Variants in EPN1 observed in about 807,000 individuals in gnomAD.
EPN1 encodes the protein epsin-1.
Under a neutral mutation model 56.9 loss-of-function variants are expected in EPN1, and 25 were observed. The ratio of observed to expected loss-of-function variants is 0.44; its 90% CI spans 0.32 to 0.61. The LOEUF is 0.61. EPN1 is among the 20% of genes least tolerant of loss of function. The pLI, the probability that EPN1 is intolerant of heterozygous loss-of-function variation, is 0.05. For synonymous variants in EPN1, 411 were observed against 361.8 expected, an observed-to-expected ratio of 1.14 and a Z score of -1.54; for missense variants, 785 against 823.7, an observed-to-expected ratio of 0.95 and a Z score of 0.58.
chr19:55,708,152 A>C lies in EPN1; in HGVS notation c.*12796A>C, dbSNP rs952184029. The C allele has an allele frequency of 1.3e-5, 2 of 152,226 alleles. No homozygotes were observed. The highest frequency in any genetic ancestry group is 6.5e-5 in the Admixed American group (1 of 15,272). 9.4% of individuals were successfully genotyped at this position (152,226 alleles called of 1,614,324 possible). A position where few individuals can be genotyped will look rare whatever the true frequency, so the allele number is the denominator to read the frequency against. On this transcript the variant is annotated 3_prime_UTR_variant, in exon 11 of 11. Transcript: ENST00000270460. ...TGCCAAGAGATCCAAGAGTAGGTCCACAATTTCTCATTCTCAGGAGAATCT... is the reference window on the plus strand; with the variant it reads ...TGCCAAGAGATCCAAGAGTAGGTCCCCAATTTCTCATTCTCAGGAGAATCT...
At position 55,695,645 on chromosome 19, in the gene EPN1, A is replaced by C; in HGVS notation, c.*289A>C. 7 of 430,768 alleles carry C rather than the reference A, an allele frequency of 1.6e-5. No homozygotes were observed. Among genetic ancestry groups the C allele is most frequent in the Middle Eastern group, 5.9e-4 (1 of 1,694 alleles). 26.7% of individuals were successfully genotyped at this position (430,768 alleles called of 1,614,324 possible). ...CCATTCCCCCTCCCTCCAAACTCCC[A>C]ACCCCCAGTCAGTGTTTGAGCCTCC... On this transcript the variant is annotated 3_prime_UTR_variant, in exon 11 of 11. Transcript: ENST00000270460. The surrounding 1 kb of genome is among the most constrained non-coding windows in gnomAD (Gnocchi z 4.4).
rs1405258271 is a variant in EPN1 at position 55,709,412 on chromosome 19, A to G, written c.*14056A>G. On this transcript the variant is annotated 3_prime_UTR_variant, in exon 11 of 11. Coordinates refer to ENST00000270460, the MANE Select transcript of EPN1 (RefSeq NM_001130072.2). ...AAAAAAACATGAGCTTTTCTCAGAG[A>G]CACTAATATAATGAATTCATGTACC... The G allele has an allele frequency of 6.4e-6, 1 of 156,442 alleles. No homozygotes were observed. Among genetic ancestry groups the G allele is most frequent in the African/African-American group, 2.4e-5 (1 of 41,602 alleles). The allele number at this position is 156,442 out of a possible 1,614,324, so 9.7% of individuals were successfully genotyped here. A position where few individuals can be genotyped will look rare whatever the true frequency, so the allele number is the denominator to read the frequency against.
rs1301564399 is a variant in EPN1, at chr19:55,691,519, C to T, written c.763-235C>T. On this transcript the variant is annotated intron_variant, in intron 6 of 10. Coordinates refer to ENST00000270460, the MANE Select transcript of EPN1 (RefSeq NM_001130072.2). The surrounding 1 kb of genome is among the most constrained non-coding windows in gnomAD (Gnocchi z 5.6). ...GGGCAGGAGTGGGGCTGTGTTGGGGCTCCCTGGTGGTACCCTCGGGTGGGG... is the reference window on the plus strand; with the variant it reads ...GGGCAGGAGTGGGGCTGTGTTGGGGTTCCCTGGTGGTACCCTCGGGTGGGG... Among the ~76,000 whole-genome samples the T allele has an allele frequency of 6.6e-6, 1 of 151,708 alleles. No individual in the cohort carries two copies. Among genetic ancestry groups the T allele is most frequent in the Admixed American group, 6.6e-5 (1 of 15,250 alleles).
In EPN1 at chr19:55,695,689, C is replaced by T. The variant is rs1228065016; in HGVS notation, c.*333C>T. On this transcript the variant is annotated 3_prime_UTR_variant, in exon 11 of 11. Coordinates refer to ENST00000270460, the MANE Select transcript of EPN1 (RefSeq NM_001130072.2). This position sits in a 1 kb window ranked among gnomAD's most constrained non-coding sequence, Gnocchi z 4.4. The stretch of plus-strand genomic sequence containing the variant: ...AGCCTCCTCGTTCCCCTCACGCACC[C>T]GCTCACGCACCCTCGGTGAATCCTT... The T allele has an allele frequency of 6.1e-6, 2 of 326,076 alleles. No homozygotes were observed. Among genetic ancestry groups the T allele is most frequent in the African/African-American group, 4.3e-5 (2 of 46,996 alleles). 20.2% of individuals were successfully genotyped at this position (326,076 alleles called of 1,614,324 possible). A position where few individuals can be genotyped will look rare whatever the true frequency, so the allele number is the denominator to read the frequency against.
At position 55,689,582 on chromosome 19, in the gene EPN1, C is replaced by T. The variant is rs772707080; in HGVS notation, c.678+211C>T. Reference sequence around the variant, plus strand: ...CCAGCACAGCTGTGCCAAGGTTGCTCGGGTGACCAGGGTCCCTTCCTCCCC... The same window carrying T: ...CCAGCACAGCTGTGCCAAGGTTGCTTGGGTGACCAGGGTCCCTTCCTCCCC... On this transcript the variant is annotated intron_variant, in intron 5 of 10. Coordinates refer to ENST00000270460, the MANE Select transcript of EPN1 (RefSeq NM_001130072.2). The surrounding 1 kb of genome is among the most constrained non-coding windows in gnomAD (Gnocchi z 5.7). 1.4e-4 allele frequency among the ~76,000 whole-genome samples: 21 copies of T among 152,168 alleles called. No individual in the cohort carries two copies. The highest frequency in any genetic ancestry group is 3.9e-4 in the African/African-American group (16 of 41,444).
chr19:55,698,258 G>A lies in EPN1; in HGVS notation c.*2902G>A, dbSNP rs1986987677. The A allele has an allele frequency of 6.6e-6, 1 of 152,208 alleles. No homozygotes were observed. The highest frequency in any genetic ancestry group is 6.5e-5 in the Admixed American group (1 of 15,286). The allele number at this position is 152,208 out of a possible 1,614,324, so 9.4% of individuals were successfully genotyped here. On this transcript the variant is annotated 3_prime_UTR_variant, in exon 11 of 11. Coordinates refer to ENST00000270460, the MANE Select transcript of EPN1 (RefSeq NM_001130072.2). ...AAGCAAGAGTCATGGTGGTGCTCCC[G>A]GCTGGCTCTCAGGAGCAGATGTGCT...
Position 55,701,362 on chromosome 19 carries a change from T to C in EPN1, c.*6006T>C, listed in dbSNP as rs1438236391. On this transcript the variant is annotated 3_prime_UTR_variant, in exon 11 of 11. Transcript: ENST00000270460. Reference sequence around the variant, plus strand: ...TACTTAGGAGGCTGAGGCAGGAGAATCGCTTGAACCCAGGAGGCGGAGGTT... The same window carrying C: ...TACTTAGGAGGCTGAGGCAGGAGAACCGCTTGAACCCAGGAGGCGGAGGTT... The C allele has an allele frequency of 6.6e-6, 1 of 150,976 alleles. No individual in the cohort carries two copies. Among genetic ancestry groups the C allele is most frequent in the African/African-American group, 2.4e-5 (1 of 40,912 alleles). 9.4% of individuals were successfully genotyped at this position (150,976 alleles called of 1,614,324 possible).
chr19:55,686,237 A>G (rs1436639956), intron 3 of EPN1, among the ~76,000 whole-genome samples: 3 of 152,328 alleles, frequency 2.0e-5, no homozygotes, highest in East Asian at 3.9e-4. Context: ...CCCACGAAAC[A>G]TTTCCAGTTA....
chr19:55,681,449 G>GTCTCAGTCTTGGCTTGCAGGT (rs1985814548), intron 2 of EPN1, among the ~76,000 whole-genome samples: 1 of 152,178 alleles, frequency 6.6e-6, no homozygotes, highest in Non-Finnish European at 1.5e-5. Context: ...GGAATGCAGG[G>GTCTCAGTCTTGGCTTGCAGGT]TCTCAGTCTT....
rs1337097607 is a variant in EPN1, at chr19:55,695,361, G to C, written c.*5G>C. The C allele has an allele frequency of 9.1e-6, 13 of 1,434,166 alleles. No individual in the cohort carries two copies. The highest frequency in any genetic ancestry group is 1.4e-5 in the African/African-American group (1 of 70,912). The allele number at this position is 1,434,166 out of a possible 1,614,324, so 88.8% of individuals were successfully genotyped here. A position where few individuals can be genotyped will look rare whatever the true frequency, so the allele number is the denominator to read the frequency against. On this transcript the variant is annotated 3_prime_UTR_variant, in exon 11 of 11. Coordinates refer to ENST00000270460, the MANE Select transcript of EPN1 (RefSeq NM_001130072.2). The surrounding 1 kb of genome is among the most constrained non-coding windows in gnomAD (Gnocchi z 4.4). ...ACTAATCCCTTCCTCCTATAATCCA[G>C]GGCGGAAGGGGGCCTGGCTCCATCC...
In EPN1 at chr19:55,704,186, G is replaced by C. The variant is rs943709371; in HGVS notation, c.*8830G>C. On this transcript the variant is annotated 3_prime_UTR_variant, in exon 11 of 11. Coordinates refer to ENST00000270460, the MANE Select transcript of EPN1 (RefSeq NM_001130072.2). ...ACGTGCTCTCCACGCTCTTTCTCCA[G>C]CGCCCCTTGCTCACCCGCCCCCCGT... The C allele has an allele frequency of 6.6e-6, 1 of 152,638 alleles. No individual in the cohort carries two copies. Among genetic ancestry groups the C allele is most frequent in the Non-Finnish European group, 1.5e-5 (1 of 68,398 alleles). 9.5% of individuals were successfully genotyped at this position (152,638 alleles called of 1,614,324 possible).
At position 55,704,334 on chromosome 19, in the gene EPN1, T is replaced by C. The variant is rs1333895909; in HGVS notation, c.*8978T>C. The stretch of plus-strand genomic sequence containing the variant: ...CCTGCACCGACCCCGTACCCCAGAA[T>C]GGGGCTGTATTTGGAGACAGGGCCT... On this transcript the variant is annotated 3_prime_UTR_variant, in exon 11 of 11. Transcript: ENST00000270460. The C allele has an allele frequency of 6.6e-6, 1 of 152,070 alleles. No homozygotes were observed. Among genetic ancestry groups the C allele is most frequent in the Non-Finnish European group, 1.5e-5 (1 of 68,038 alleles). 9.4% of individuals were successfully genotyped at this position (152,070 alleles called of 1,614,324 possible). A position where few individuals can be genotyped will look rare whatever the true frequency, so the allele number is the denominator to read the frequency against.
rs369574387 is a variant in EPN1 at position 55,694,922 on chromosome 19, G to T, written c.1461G>T (p.Leu487=). Residue 487 remains leucine, a synonymous_variant, in exon 10 of 11, where the codon CTG becomes CTT. Transcript: ENST00000270460. The surrounding 1 kb of genome is among the most constrained non-coding windows in gnomAD (Gnocchi z 4.2). ...PNAALVDLDS[L]VSRPGPTPPG... is the part of the protein sequence containing the mutation. ...CAGCCCTCGTCGACCTGGACTCGCTGGTGAGCCGGCCGGGCCCCACGCCGC... is the reference window on the plus strand; with the variant it reads ...CAGCCCTCGTCGACCTGGACTCGCTTGTGAGCCGGCCGGGCCCCACGCCGC... The T allele has an allele frequency of 5.7e-6, 9 of 1,572,706 alleles. No homozygotes were observed. The African/African-American group carries it at 9.5e-5, about 17-fold the overall frequency.
In EPN1 at chr19:55,704,494, T is replaced by C. The variant is rs150540758; in HGVS notation, c.*9138T>C. The C allele has an allele frequency of 1.6e-4, 25 of 152,398 alleles. No individual in the cohort carries two copies. Among genetic ancestry groups the C allele is most frequent in the African/African-American group, 6.0e-4 (25 of 41,576 alleles). The allele number at this position is 152,398 out of a possible 1,614,324, so 9.4% of individuals were successfully genotyped here. The stretch of plus-strand genomic sequence containing the variant: ...CGTCTGGGAGCCAAGGAGAGAGGCC[T>C]TGGCGGAAGCCAACCCTGCAGCACC... On this transcript the variant is annotated 3_prime_UTR_variant, in exon 11 of 11. Coordinates refer to ENST00000270460, the MANE Select transcript of EPN1 (RefSeq NM_001130072.2).
In EPN1 at chr19:55,707,668, A is replaced by G. The variant is rs748978615; in HGVS notation, c.*12312A>G. 1 of 154,686 alleles carries G rather than the reference A, an allele frequency of 6.5e-6. No homozygotes were observed. Among genetic ancestry groups the G allele is most frequent in the African/African-American group, 2.4e-5 (1 of 41,546 alleles). The allele number at this position is 154,686 out of a possible 1,614,324, so 9.6% of individuals were successfully genotyped here. On this transcript the variant is annotated 3_prime_UTR_variant, in exon 11 of 11. Transcript: ENST00000270460. ...CAGACTGGGGTGGGGACTCTGGCCA[A>G]TGCCATTCTGTTCTTCCATAATATC...
At chr19:55,680,108 A>G (rs1985710972) in intron 2 of EPN1, among the ~76,000 whole-genome samples, 1 of 152,082 alleles carries the variant, frequency 6.6e-6, no homozygotes, top group South Asian at 2.1e-4. Flanking sequence ...GCCAGGGTGG[A>G]CGGCAGGACA....
Position 55,709,257 on chromosome 19 carries a change from G to T in EPN1, c.*13901G>T, listed in dbSNP as rs1028429042. On this transcript the variant is annotated 3_prime_UTR_variant, in exon 11 of 11. Transcript: ENST00000270460. ...TAAAGTGAAATTTCATATACAGGATGTATCAATTAAGATTTAATTCAAAAA... is the reference window on the plus strand; with the variant it reads ...TAAAGTGAAATTTCATATACAGGATTTATCAATTAAGATTTAATTCAAAAA... 3.0e-6 allele frequency: 1 copy of T among 337,470 alleles called. No homozygotes were observed. The highest frequency in any genetic ancestry group is 2.1e-5 in the African/African-American group (1 of 46,860). 20.9% of individuals were successfully genotyped at this position (337,470 alleles called of 1,614,324 possible).
Position 55,688,968 on chromosome 19 carries a change from G to T in EPN1, c.577G>T (p.Ala193Ser). The T allele has an allele frequency of 6.3e-7, 1 of 1,599,656 alleles. No individual in the cohort carries two copies. The highest frequency in any genetic ancestry group is 8.5e-7 in the Non-Finnish European group (1 of 1,176,242). ...GGAGCTGCAGCTCCAGCTGGCCCTGGCCATGAGCAAGGAGGAGGCCGACCA... is the reference window on the plus strand; with the variant it reads ...GGAGCTGCAGCTCCAGCTGGCCCTGTCCATGAGCAAGGAGGAGGCCGACCA... Reference protein sequence around the residue: ...EEELQLQLALAMSKEEADQPP... With the variant: ...EEELQLQLALSMSKEEADQPP... The change falls in exon 4 of 11, where the codon GCC becomes TCC. Residue 193 changes from alanine (A) to serine (S), a missense_variant. This residue lies in a region of EPN1 where 650 missense variants were observed against 605.0 expected (regional missense o/e 1.07). Coordinates refer to ENST00000270460, the MANE Select transcript of EPN1 (RefSeq NM_001130072.2).
At chr19:55,692,584 G>GA in intron 7 of EPN1, 102 bp from the exon 8 acceptor site, 1 of 735,006 alleles carries the variant, frequency 1.4e-6, no homozygotes, top group South Asian at 2.1e-5. Context: ...GGGGGCAGGG[G>GA]GGCTTTTGTG....
Sources: allele counts gnomAD v4.1 joint callset (sites outside exome capture counted in the v4.1 genomes callset), GRCh38; gene constraint gnomAD v4.1.1; regional missense constraint gnomAD v4.1.1; non-coding constraint Gnocchi (gnomAD v3.1); transcripts MANE v1.5; gene names NCBI Gene and HGNC (gene_info 2026-07-23, HGNC 2026-07-21).